The following MORC2 variants were observed in gnomAD, a reference collection of about 807,000 sequenced individuals.
MORC2 encodes MORC family CW-type zinc finger 2.
A neutral mutation model predicts 136.0 loss-of-function variants in MORC2; 30 were observed. The ratio of observed to expected loss-of-function variants is 0.22; its 90% CI spans 0.17 to 0.30. The LOEUF is 0.30. MORC2 is among the 10% of genes least tolerant of loss of function. The probability of loss-of-function intolerance (pLI) is 1.00; values close to 1 mark genes in which losing one functional copy is unlikely to be tolerated. For synonymous variants in MORC2, 439 were observed against 487.0 expected, an observed-to-expected ratio of 0.90 and a Z score of 1.30; for missense variants, 922 against 1,333.1, an observed-to-expected ratio of 0.69 and a Z score of 4.80.
intron 10 of MORC2, 23 bp downstream of exon 10, chr22:30,940,735 T>A (rs1376286754): frequency 1.2e-6 from 2 of 1,609,748 alleles, no homozygotes; most frequent in Non-Finnish European, 1.7e-6. Flanking sequence ...CCCCCCCAAC[T>A]CCTGCACCCA....
intron 17 of MORC2, among the ~76,000 whole-genome samples, chr22:30,936,047 T>A (rs1157110015): frequency 2.0e-5 from 3 of 152,238 alleles, no homozygotes; most frequent in African/African-American, 7.2e-5. Context: ...TTAAGTCCTT[T>A]AATTTCACTT....
At position 30,934,863 on chromosome 22, in the gene MORC2, T is replaced by G; in HGVS notation, c.2111A>C (p.Lys704Thr). The G allele has an allele frequency of 6.2e-7, 1 of 1,614,140 alleles. No homozygotes were observed. The highest frequency in any genetic ancestry group is 1.3e-5 in the African/African-American group (1 of 75,020). Residue 704 changes from lysine to threonine, a missense_variant, in exon 19 of 26, where the codon AAG (lysine) becomes ACG (threonine). Physicochemically the swap from Lys to Thr is moderately conservative, Grantham distance 78. Transcript: ENST00000397641. The surrounding 1 kb of genome is among the most constrained non-coding windows in gnomAD (Gnocchi z 4.4). The stretch of plus-strand genomic sequence containing the variant: ...GGGAGAAGGAACCTCCCGAGGGCTC[T>G]TGGAGTTGGGCAGTAAAGATGGTGA... ...QLSPSLLPNS[K>T]SPREVPSPKV... is the part of the protein sequence containing the mutation.
chr22:30,961,479 T>C (rs1034583175), intron 1 of MORC2, among the ~76,000 whole-genome samples: 1 of 152,232 alleles, frequency 6.6e-6, no homozygotes, highest in Admixed American at 6.5e-5. Context: ...GAATTCATTT[T>C]ATATACCCTA....
intron 16 of MORC2, 57 bp downstream of exon 16, chr22:30,936,875 C>T: frequency 6.6e-7 from 1 of 1,505,752 alleles, no homozygotes; most frequent in African/African-American, 1.4e-5. Flanking sequence ...TCAAGAAACA[C>T]AGTGAGGGGC....
At chr22:30,958,762 G>GTA (rs2041002351) in intron 1 of MORC2, 68 bp from the exon 2 acceptor site, 1 of 1,358,630 alleles carries the variant, frequency 7.4e-7, no homozygotes, top group East Asian at 2.5e-5. Flanking sequence ...AAAAAGCCAT[G>GTA]GTTATAAAAT....
intron 6 of MORC2, among the ~76,000 whole-genome samples, chr22:30,944,657 C>T (rs2040791088): frequency 1.3e-5 from 2 of 152,180 alleles, no homozygotes; most frequent in African/African-American, 4.8e-5. Flanking sequence ...CATACTTCCC[C>T]TCTTCATTCT....
chr22:30,963,092 C>T (rs539235595), intron 1 of MORC2: 230 of 154,168 alleles, frequency 1.5e-3, no homozygotes, highest in Admixed American at 2.1e-3. Flanking sequence ...CTGTCTCAGC[C>T]TCCCGAGTAG....
chr22:30,967,146 T>C (rs1405633599), intron 1 of MORC2: 6 of 985,270 alleles, frequency 6.1e-6, no homozygotes, highest in Admixed American at 6.1e-5. Context: ...AGAGTGGGCA[T>C]ATGGATTAAA....
At chr22:30,960,559 G>A (rs2147314041) in intron 1 of MORC2, among the ~76,000 whole-genome samples, 1 of 151,942 alleles carries the variant, frequency 6.6e-6, no homozygotes, top group Non-Finnish European at 1.5e-5. Context: ...CGCAATCTCC[G>A]CTCACTGCAA....
At chr22:30,947,018 C>A (rs953265942) in intron 5 of MORC2, among the ~76,000 whole-genome samples, 1 of 152,168 alleles carries the variant, frequency 6.6e-6, no homozygotes, top group African/African-American at 2.4e-5. Flanking sequence ...ACTCACAAGC[C>A]CGAGAAAACA....
intron 1 of MORC2, among the ~76,000 whole-genome samples, chr22:30,965,334 C>T (rs186367868): frequency 6.6e-6 from 1 of 152,280 alleles, no homozygotes; most frequent in African/African-American, 2.4e-5. Flanking sequence ...ACTTACTGAA[C>T]CACTTTACAC....
chr22:30,928,731 C>T (rs2040528563), intron 24 of MORC2, among the ~76,000 whole-genome samples: 1 of 152,170 alleles, frequency 6.6e-6, no homozygotes, highest in Non-Finnish European at 1.5e-5. Flanking sequence ...TACCTGAAAC[C>T]TCCAGGGGGA....
At position 30,941,977 on chromosome 22, in the gene MORC2, G is replaced by C. The variant is rs139327383; in HGVS notation, c.612C>G (p.Leu204=). 1 of 1,613,686 alleles carries C rather than the reference G, an allele frequency of 6.2e-7. No homozygotes were observed. Among genetic ancestry groups the C allele is most frequent in the East Asian group, 2.2e-5 (1 of 44,892 alleles). ...CTGGCTCTCCATTATCCATGAGTTT[G>C]AGATTGAAGATGATCACCAATGTTC... The part of the protein sequence containing the change: ...DSGTLVIIFN[L]KLMDNGEPEL... The change falls in exon 8 of 26, where the codon CTC becomes CTG. Residue 204 remains leucine, a synonymous_variant. Coordinates refer to ENST00000397641, the MANE Select transcript of MORC2 (RefSeq NM_001303256.3). The surrounding 1 kb of genome is among the most constrained non-coding windows in gnomAD (Gnocchi z 4.6).
chr22:30,950,552 G>A (rs1322267948), intron 3 of MORC2, 107 bp from the exon 4 acceptor site: 4 of 1,135,638 alleles, frequency 3.5e-6, no homozygotes, highest in Non-Finnish European at 5.2e-6. Context: ...AAAAGGTCAG[G>A]TCAAGCCTAA....
At chr22:30,949,473 A>G (rs2040860285) in intron 5 of MORC2, among the ~76,000 whole-genome samples, 1 of 111,790 alleles carries the variant, frequency 8.9e-6, no homozygotes, top group Admixed American at 9.5e-5. Flanking sequence ...AAAAATAAGA[A>G]TTTTCAACAG....
intron 16 of MORC2, 49 bp from the exon 17 acceptor site, chr22:30,936,692 T>C: frequency 5.6e-6 from 9 of 1,598,592 alleles, no homozygotes; most frequent in Non-Finnish European, 6.8e-6. Context: ...AGCGCCAAGC[T>C]CGGCAAGGAC....
chr22:30,946,879 G>A (rs2040824479), intron 5 of MORC2, among the ~76,000 whole-genome samples: 1 of 151,954 alleles, frequency 6.6e-6, no homozygotes, highest in African/African-American at 2.4e-5. Context: ...TTAGTAGCTG[G>A]TACCCTCAAC....
At position 30,941,709 on chromosome 22, in the gene MORC2, C is replaced by G; in HGVS notation, c.699-151G>C. The G allele has an allele frequency of 1.6e-6, 2 of 1,259,478 alleles. No individual in the cohort carries two copies. Among genetic ancestry groups the G allele is most frequent in the Non-Finnish European group, 2.2e-6 (2 of 915,580 alleles). 78.0% of individuals were successfully genotyped at this position (1,259,478 alleles called of 1,614,324 possible). On this transcript the variant is annotated intron_variant, in intron 8 of 25. Coordinates refer to ENST00000397641, the MANE Select transcript of MORC2 (RefSeq NM_001303256.3). This position sits in a 1 kb window ranked among gnomAD's most constrained non-coding sequence, Gnocchi z 4.6. The stretch of plus-strand genomic sequence containing the variant: ...AACTGGTGCTCCCTTAGTGTGAGCA[C>G]CACATCCCGCCCCTCTCACGTCCTC...
intron 24 of MORC2, among the ~76,000 whole-genome samples, chr22:30,928,877 C>T (rs1234667355): frequency 6.6e-6 from 1 of 152,160 alleles, no homozygotes; most frequent in Non-Finnish European, 1.5e-5. Flanking sequence ...TCTTTAGGTT[C>T]AATTTATTTT....
Sources: gnomAD v4.1 joint callset for allele counts (sites outside exome capture counted in the v4.1 genomes callset) on GRCh38, gnomAD v4.1.1 for gene constraint, Gnocchi (gnomAD v3.1) non-coding constraint, MANE v1.5 for transcripts, NCBI Gene and HGNC (gene_info 2026-07-23, HGNC 2026-07-21) for gene names.